The following CDH13 variants were observed in gnomAD, a reference collection of about 807,000 sequenced individuals.
CDH13 encodes the protein cadherin 13, also known as cadherin-13.
In CDH13, 24 loss-of-function variants were observed where a neutral mutation model predicts 63.8. The observed-to-expected ratio is 0.38, with a 90% CI of 0.27 to 0.53. The LOEUF is 0.53. Ranked by LOEUF, CDH13 falls within the 20% of genes least tolerant of loss-of-function variation. The pLI, the probability that CDH13 is intolerant of heterozygous loss-of-function variation, is 0.85. For synonymous variants in CDH13, 503 were observed against 355.3 expected (o/e 1.42, Z -4.67); for missense variants, 1,049 against 903.1 (o/e 1.16, Z -2.07).
intron 8 of CDH13, among the ~76,000 whole-genome samples, chr16:83,654,022 A>G (rs1204461537): frequency 6.6e-6 from 1 of 152,120 alleles, no homozygotes; most frequent in Non-Finnish European, 1.5e-5. Context: ...CAGGGAATGA[A>G]CAAATGGGTG....
intron 3 of CDH13, among the ~76,000 whole-genome samples, chr16:83,048,565 T>C (rs944588646): frequency 7.2e-5 from 11 of 152,322 alleles, no homozygotes; most frequent in Admixed American, 3.9e-4. Flanking sequence ...CAGTTTTCTG[T>C]AGCTGGCCTT....
intron 2 of CDH13, among the ~76,000 whole-genome samples, chr16:82,869,710 C>A (rs890063409): frequency 1.3e-5 from 2 of 152,036 alleles, no homozygotes; most frequent in African/African-American, 4.8e-5. Context: ...GACAAAGGTG[C>A]CAAGAACATA....
At chr16:83,661,982 A>G (rs1285381157) in intron 8 of CDH13, among the ~76,000 whole-genome samples, 1 of 152,154 alleles carries the variant, frequency 6.6e-6, no homozygotes, top group Non-Finnish European at 1.5e-5. Context: ...ACCCACAGAC[A>G]GCTGCTGCCT....
chr16:83,734,475 C>T (rs906569220), intron 10 of CDH13, among the ~76,000 whole-genome samples: 3 of 151,562 alleles, frequency 2.0e-5, no homozygotes, highest in Non-Finnish European at 2.9e-5. Flanking sequence ...AGTAAACTAT[C>T]GCAAGGACAA....
intron 6 of CDH13, among the ~76,000 whole-genome samples, chr16:83,392,395 A>G (rs2091805700): frequency 6.6e-6 from 1 of 152,252 alleles, no homozygotes; most frequent in African/African-American, 2.4e-5. Context: ...TCCTAAAATT[A>G]TCACTAATAA....
rs571028437 is a variant in CDH13, at chr16:83,171,746, A to G, written c.484-45599A>G. ...CGTCTTTCTGAGGCATGGAGTCCCA[A>G]GCTGTATGTTTTCAGGTAGTATTGT... On this transcript the variant is annotated intron_variant, in intron 4 of 13. Coordinates refer to ENST00000567109, the MANE Select transcript of CDH13 (RefSeq NM_001257.5). Among the ~76,000 whole-genome samples the G allele has an allele frequency of 2.4e-4, 37 of 152,230 alleles. 1 individual carries two copies. In the South Asian group the frequency reaches 3.1e-3, roughly 13 times the overall value.
intron 3 of CDH13, among the ~76,000 whole-genome samples, chr16:83,108,508 A>G (rs886315856): frequency 7.4e-4 from 113 of 152,350 alleles, no homozygotes; most frequent in Non-Finnish European, 6.8e-4. Context: ...AGGTTACCAC[A>G]GAAACAAGAG....
intron 2 of CDH13, among the ~76,000 whole-genome samples, chr16:82,876,919 C>G (rs1349406603): frequency 4.6e-5 from 7 of 152,160 alleles, no homozygotes. Flanking sequence ...TATCTGGGAA[C>G]TATCTCAAGC....
At chr16:83,032,346 C>G in intron 3 of CDH13, 128 bp downstream of exon 3, 2 of 727,096 alleles carry the variant, frequency 2.8e-6, no homozygotes, top group Non-Finnish European at 4.4e-6. Context: ...TTGCAAATGA[C>G]AGAAATCCAA....
At chr16:83,653,265 A>T (rs967495984) in intron 8 of CDH13, among the ~76,000 whole-genome samples, 9 of 152,180 alleles carry the variant, frequency 5.9e-5, no homozygotes, top group Admixed American at 2.0e-4. Flanking sequence ...ACTGGAATCC[A>T]TTCATATGTA....
chr16:83,268,189 G>C (rs537968035), intron 5 of CDH13, among the ~76,000 whole-genome samples: 1 of 152,162 alleles, frequency 6.6e-6, no homozygotes, highest in Non-Finnish European at 1.5e-5. Context: ...GACATTAACT[G>C]TACTGCAGTT....
chr16:82,682,147 C>A (rs1359462735), intron 1 of CDH13, among the ~76,000 whole-genome samples: 1 of 152,130 alleles, frequency 6.6e-6, no homozygotes, highest in East Asian at 1.9e-4. Context: ...CTCTCTTGTT[C>A]CCAATGATAA....
intron 7 of CDH13, among the ~76,000 whole-genome samples, chr16:83,584,906 A>T (rs201996193): frequency 2.0e-5 from 2 of 98,726 alleles, no homozygotes; most frequent in Admixed American, 2.8e-4. Flanking sequence ...AGCAAGAGAT[A>T]GGGGGAGGTG....
At chr16:83,511,114 A>ACACACACATGCACATGTG (rs2074550942) in intron 7 of CDH13, among the ~76,000 whole-genome samples, 2 of 150,472 alleles carry the variant, frequency 1.3e-5, no homozygotes. Flanking sequence ...GCACGCATGC[A>ACACACACATGCACATGTG]CACACATGCA....
intron 5 of CDH13, among the ~76,000 whole-genome samples, chr16:83,331,584 T>G (rs2090481811): frequency 6.6e-6 from 1 of 152,200 alleles, no homozygotes; most frequent in African/African-American, 2.4e-5. Context: ...TTTTTAACTT[T>G]GAAATTAACA....
In CDH13 at chr16:83,285,019, G is replaced by A. The variant is rs539212070; in HGVS notation, c.637-59843G>A. On this transcript the variant is annotated intron_variant, in intron 5 of 13. Coordinates refer to ENST00000567109, the MANE Select transcript of CDH13 (RefSeq NM_001257.5). ...CTGCACAAATGTTAACTCTGGTTCA[G>A]ACACCTTTTCTGCACCCAGTTATTC... Among the ~76,000 whole-genome samples, 24 of 152,264 alleles carry A rather than the reference G, an allele frequency of 1.6e-4. 1 individual carries two copies. The South Asian group carries it at 3.1e-3, about 20-fold the overall frequency.
chr16:83,154,828 A>G (rs1318764733), intron 4 of CDH13, among the ~76,000 whole-genome samples: 1 of 152,218 alleles, frequency 6.6e-6, no homozygotes, highest in Non-Finnish European at 1.5e-5. Flanking sequence ...ACCTGCAAGT[A>G]AATGTTAAAT....
intron 2 of CDH13, among the ~76,000 whole-genome samples, chr16:82,905,863 T>C (rs1471847087): frequency 6.6e-6 from 1 of 152,236 alleles, no homozygotes; most frequent in African/African-American, 2.4e-5. Flanking sequence ...TAACCACACA[T>C]GGCTACTGGC....
At chr16:82,748,241 C>T (rs1489467337) in intron 1 of CDH13, among the ~76,000 whole-genome samples, 1 of 152,186 alleles carries the variant, frequency 6.6e-6, no homozygotes, top group Non-Finnish European at 1.5e-5. Context: ...CCACAAACCC[C>T]ACAGGAAATT....
Sources: gnomAD v4.1 joint callset for allele counts (sites outside exome capture counted in the v4.1 genomes callset) on GRCh38, gnomAD v4.1.1 for gene constraint, MANE v1.5 for transcripts, NCBI Gene and HGNC (gene_info 2026-07-23, HGNC 2026-07-21) for gene names.